Variants in ERV3-1 observed in about 807,000 individuals in gnomAD.
ERV3-1 encodes endogenous retrovirus group 3 member 1 Env polyprotein.
A neutral mutation model predicts 24.6 loss-of-function variants in ERV3-1; 36 were observed. The ratio of observed to expected loss-of-function variants is 1.47; its 90% CI spans 1.12 to 1.94. The LOEUF is 1.94. Ranked by LOEUF, ERV3-1 falls within the 30% of genes most tolerant of loss-of-function variation. ERV3-1 has a pLI of 0.00. For synonymous variants in ERV3-1, 211 were observed against 122.6 expected, an observed-to-expected ratio of 1.72 and a Z score of -4.76; for missense variants, 578 against 330.9, an observed-to-expected ratio of 1.75 and a Z score of -5.79.
intron 1 of ERV3-1, 187 bp downstream of exon 1, chr7:65,006,354 C>A: frequency 1.0e-6 from 1 of 965,120 alleles, no homozygotes. Context: ...TGCCCGGGGT[C>A]CGAGCTGTCA....
rs1323272952 is a variant in ERV3-1 at position 64,991,616 on chromosome 7, T to A, written c.1411A>T (p.Arg471Ter). ...TTCCAATCTCCTATAGTTATGCCTCTTTTGCTTTTCCTTTTAGTTTCATCA... is the reference window on the plus strand; with the variant it reads ...TTCCAATCTCCTATAGTTATGCCTCATTTGCTTTTCCTTTTAGTTTCATCA... ...IYDETKRKSK[R>*]GITIGDWKDN... The change falls in exon 2 of 2, where the codon AGA (arginine) becomes TGA (stop). Residue 471 changes from arginine (R) to a stop codon, truncating the protein, a stop_gained. Transcript: ENST00000394323. LOFTEE classifies it high-confidence loss of function. The A allele has an allele frequency of 2.8e-6, 2 of 704,150 alleles. No homozygotes were observed. Among genetic ancestry groups the A allele is most frequent in the Non-Finnish European group, 5.2e-6 (2 of 385,072 alleles). 43.6% of individuals were successfully genotyped at this position (704,150 alleles called of 1,614,324 possible).
intron 1 of ERV3-1, among the ~76,000 whole-genome samples, chr7:65,000,963 A>G (rs1322279348): frequency 6.6e-6 from 1 of 152,214 alleles, no homozygotes; most frequent in Non-Finnish European, 1.5e-5. Context: ...GCATGTTCTC[A>G]TTTCTAAGTA....
intron 1 of ERV3-1, among the ~76,000 whole-genome samples, chr7:64,997,028 C>T (rs1428282116): frequency 6.6e-6 from 1 of 152,332 alleles, no homozygotes; most frequent in African/African-American, 2.4e-5. Context: ...TTCTTCATTG[C>T]CCTCTGGACA....
chr7:64,995,210 G>A (rs1191834427), intron 1 of ERV3-1, among the ~76,000 whole-genome samples: 1 of 152,224 alleles, frequency 6.6e-6, no homozygotes, highest in Non-Finnish European at 1.5e-5. Flanking sequence ...GTCAATTGTT[G>A]CCCCAGGGTC....
intron 1 of ERV3-1, chr7:65,004,868 A>ATTTTT (rs56371820): frequency 1.6e-4 from 17 of 107,740 alleles, no homozygotes; most frequent in Admixed American, 2.0e-4. Flanking sequence ...GCCAGGTTTG[A>ATTTTT]TTTTTTTTTT....
At position 64,992,006 on chromosome 7, in the gene ERV3-1, T is replaced by C; in HGVS notation, c.1021A>G (p.Ile341Val). Reference protein sequence around the residue: ...QSIWFLKTSIIGKFCIARWGK... With the variant: ...QSIWFLKTSIVGKFCIARWGK... ...CAGCGAGCAATACAGAATTTTCCAA[T>C]AATGGAGGTTTTTAAGAACCAGATG... The change falls in exon 2 of 2, where the codon ATT becomes GTT. Residue 341 changes from isoleucine (I) to valine (V), a missense_variant. Physicochemically the swap from Ile to Val is conservative, Grantham distance 29 (BLOSUM62 3). Transcript: ENST00000394323. 1 of 766,372 alleles carries C rather than the reference T, an allele frequency of 1.3e-6. No individual in the cohort carries two copies. 47.5% of individuals were successfully genotyped at this position (766,372 alleles called of 1,614,324 possible).
At chr7:64,996,227 A>T (rs923195071) in intron 1 of ERV3-1, among the ~76,000 whole-genome samples, 1 of 152,262 alleles carries the variant, frequency 6.6e-6, no homozygotes, top group East Asian at 1.9e-4. Flanking sequence ...GCAAAAGTGG[A>T]GTGTTCCAGG....
chr7:64,999,233 G>C (rs1786469695), intron 1 of ERV3-1, among the ~76,000 whole-genome samples: 1 of 152,198 alleles, frequency 6.6e-6, no homozygotes, highest in South Asian at 2.1e-4. Context: ...CCGGGTTGAA[G>C]GTCTCCCAAT....
rs1287958566 is a variant in ERV3-1, at chr7:64,991,831, T to C, written c.1196A>G (p.Asn399Ser). The change falls in exon 2 of 2, where the codon AAC becomes AGC. Residue 399 changes from asparagine (N) to serine (S), a missense_variant. Transcript: ENST00000394323. ...AGCTTCAAGTTGGTACCAAGAATGG[T>C]TTAAAGATGGGAAACGAGAGAATGG... is the stretch of plus-strand genomic sequence containing the variant. ...PSPFSRFPSL[N>S]HSWYQLEAPN... 5.2e-6 allele frequency: 4 copies of C among 765,918 alleles called. No individual in the cohort carries two copies. The highest frequency in any genetic ancestry group is 2.4e-5 in the East Asian group (1 of 41,228). 47.4% of individuals were successfully genotyped at this position (765,918 alleles called of 1,614,324 possible).
intron 1 of ERV3-1, among the ~76,000 whole-genome samples, chr7:64,996,634 T>C (rs1786412000): frequency 1.3e-5 from 2 of 152,222 alleles, no homozygotes; most frequent in African/African-American, 4.8e-5. Flanking sequence ...GGTCTCTTCC[T>C]AGTAGAGGCA....
chr7:65,005,626 G>A (rs1483447826), intron 1 of ERV3-1, among the ~76,000 whole-genome samples: 1 of 152,180 alleles, frequency 6.6e-6, no homozygotes, highest in Admixed American at 6.5e-5. Context: ...AATGTCAGAA[G>A]GAACTGGAAA....
At position 64,993,019 on chromosome 7, in the gene ERV3-1, C is replaced by A. The variant is rs370235403; in HGVS notation, c.8G>T (p.Gly3Val). Residue 3 changes from glycine (G) to valine (V), a missense_variant, in exon 2 of 2, where the codon GGT becomes GTT. Coordinates refer to ENST00000394323, the MANE Select transcript of ERV3-1 (RefSeq NM_001007253.4). ML[G>V]MNMLLITLFL... Reference sequence around the variant, plus strand: ...CAAAGTGATGAGTAGCATGTTCATACCCAGCATGGACAGAAAAGGCTTTTT... The same window carrying A: ...CAAAGTGATGAGTAGCATGTTCATAACCAGCATGGACAGAAAAGGCTTTTT... The A allele has an allele frequency of 1.3e-6, 1 of 752,838 alleles. No homozygotes were observed. The highest frequency in any genetic ancestry group is 2.4e-6 in the Non-Finnish European group (1 of 408,364). 46.6% of individuals were successfully genotyped at this position (752,838 alleles called of 1,614,324 possible). A position where few individuals can be genotyped will look rare whatever the true frequency, so the allele number is the denominator to read the frequency against.
In ERV3-1 at chr7:64,991,462, A is replaced by G. The variant is rs1406592674; in HGVS notation, c.1565T>C (p.Leu522Pro). 1.4e-6 allele frequency: 1 copy of G among 704,118 alleles called. No homozygotes were observed. The highest frequency in any genetic ancestry group is 2.6e-6 in the Non-Finnish European group (1 of 385,006). 43.6% of individuals were successfully genotyped at this position (704,118 alleles called of 1,614,324 possible). A position where few individuals can be genotyped will look rare whatever the true frequency, so the allele number is the denominator to read the frequency against. Residue 522 changes from leucine to proline, a missense_variant, in exon 2 of 2, where the codon CTA (leucine) becomes CCA (proline). Physicochemically the swap from Leu to Pro is moderately conservative, Grantham distance 98 (BLOSUM62 -3). Coordinates refer to ENST00000394323, the MANE Select transcript of ERV3-1 (RefSeq NM_001007253.4). ...LNRIIRLQAV[L>P]EIITNETAGA... ...TGCAGTTTCATTGGTAATGATTTCTAGTACTGCCTGCAATCTTATAATGCG... is the reference window on the plus strand; with the variant it reads ...TGCAGTTTCATTGGTAATGATTTCTGGTACTGCCTGCAATCTTATAATGCG...
At chr7:64,997,718 G>A (rs779479307) in intron 1 of ERV3-1, among the ~76,000 whole-genome samples, 4 of 152,126 alleles carry the variant, frequency 2.6e-5, no homozygotes, top group East Asian at 1.9e-4. Context: ...GGCATTCCTC[G>A]GTGTTAAACA....
rs992379766 is a variant in ERV3-1, at chr7:64,993,369, G to A, written c.-343C>T. On this transcript the variant is annotated 5_prime_UTR_variant, in exon 2 of 2. Coordinates refer to ENST00000394323, the MANE Select transcript of ERV3-1 (RefSeq NM_001007253.4). The stretch of plus-strand genomic sequence containing the variant: ...GCTGGTCCACTTGTCCTGGGCTGCT[G>A]GTTTCAGCTGACTGGATGGATGGAT... 14 of 215,226 alleles carry A rather than the reference G, an allele frequency of 6.5e-5. No homozygotes were observed. The highest frequency in any genetic ancestry group is 3.2e-4 in the African/African-American group (14 of 43,942). 13.3% of individuals were successfully genotyped at this position (215,226 alleles called of 1,614,324 possible). A position where few individuals can be genotyped will look rare whatever the true frequency, so the allele number is the denominator to read the frequency against.
rs1046918367 is a variant in ERV3-1 at position 65,006,672 on chromosome 7, G to A, written c.-520C>T. ...CAGTGAAGACTACACCAGAAGCTCC[G>A]GCTGCCGCCAGAGACAAAGGCCCCA... is the stretch of plus-strand genomic sequence containing the variant. On this transcript the variant is annotated 5_prime_UTR_variant, in exon 1 of 2. Coordinates refer to ENST00000394323, the MANE Select transcript of ERV3-1 (RefSeq NM_001007253.4). 5 of 1,487,906 alleles carry A rather than the reference G, an allele frequency of 3.4e-6. No individual in the cohort carries two copies. Among genetic ancestry groups the A allele is most frequent in the African/African-American group, 2.8e-5 (2 of 72,094 alleles). The allele number at this position is 1,487,906 out of a possible 1,614,324, so 92.2% of individuals were successfully genotyped here. A position where few individuals can be genotyped will look rare whatever the true frequency, so the allele number is the denominator to read the frequency against.
At chr7:65,001,018 G>A (rs549160507) in intron 1 of ERV3-1, among the ~76,000 whole-genome samples, 68 of 152,098 alleles carry the variant, frequency 4.5e-4, no homozygotes, top group African/African-American at 1.5e-3. Flanking sequence ...GAGAAACAAC[G>A]GTCACTGAGG....
At position 64,991,516 on chromosome 7, in the gene ERV3-1, C is replaced by G. The variant is rs1383987503; in HGVS notation, c.1511G>C (p.Gly504Ala). 8 of 704,116 alleles carry G rather than the reference C, an allele frequency of 1.1e-5. No homozygotes were observed. Among genetic ancestry groups the G allele is most frequent in the Non-Finnish European group, 2.1e-5 (8 of 385,014 alleles). 43.6% of individuals were successfully genotyped at this position (704,116 alleles called of 1,614,324 possible). ...AAGCATGTAAACTGGGGTGCGGTAT[C>G]CCCACATTCCATCTTCTGCCCAGGT... ...PATWAEDGMW[G>A]YRTPVYMLNR... Residue 504 changes from glycine to alanine, a missense_variant, in exon 2 of 2, where the codon GGA becomes GCA. Gly to Ala is a moderately conservative substitution (Grantham distance 60). Transcript: ENST00000394323.
In ERV3-1 at chr7:64,990,656, C is replaced by T. The variant is rs1249220077; in HGVS notation, c.*556G>A. ...AAAACAAGAACTTACAAAATCTTTACAGACTTGCAGAAATAGTTACAAAAA... is the reference window on the plus strand; with the variant it reads ...AAAACAAGAACTTACAAAATCTTTATAGACTTGCAGAAATAGTTACAAAAA... On this transcript the variant is annotated 3_prime_UTR_variant, in exon 2 of 2. Transcript: ENST00000394323. 2 of 152,234 alleles carry T rather than the reference C, an allele frequency of 1.3e-5. No individual in the cohort carries two copies. The highest frequency in any genetic ancestry group is 2.9e-5 in the Non-Finnish European group (2 of 68,070). The allele number at this position is 152,234 out of a possible 1,614,324, so 9.4% of individuals were successfully genotyped here. A position where few individuals can be genotyped will look rare whatever the true frequency, so the allele number is the denominator to read the frequency against.
Sources: allele counts gnomAD v4.1 joint callset (sites outside exome capture counted in the v4.1 genomes callset), GRCh38; gene constraint gnomAD v4.1.1; transcripts MANE v1.5; gene names NCBI Gene and HGNC (gene_info 2026-07-23, HGNC 2026-07-21).